Variants in SPTLC1 observed in about 807,000 individuals in gnomAD.
SPTLC1 encodes serine palmitoyltransferase long chain base subunit 1.
A neutral mutation model predicts 68.9 loss-of-function variants in SPTLC1; 55 were observed. The observed-to-expected ratio is 0.80, with a 90% CI of 0.64 to 1.00. The LOEUF (loss-of-function observed/expected upper bound fraction) is 1.00. Among genes scored for constraint, SPTLC1 ranks in the 50% least tolerant of loss-of-function variants. SPTLC1 has a pLI of 0.00. For missense variants in SPTLC1, 449 were observed against 573.1 expected (o/e 0.78, Z 2.21); for synonymous variants, 197 against 201.6 (o/e 0.98, Z 0.19).
At position 92,104,917 on chromosome 9, in the gene SPTLC1, C is replaced by T. The variant is rs4514045; in HGVS notation, c.260+3823G>A. Reference sequence around the variant, plus strand: ...GTTTCTACTCCAAGGGCCATGGAGTCGCCAGTTCACACAGCCCTGTTGGAG... The same window carrying T: ...GTTTCTACTCCAAGGGCCATGGAGTTGCCAGTTCACACAGCCCTGTTGGAG... On this transcript the variant is annotated intron_variant, in intron 3 of 14. Coordinates refer to ENST00000262554, the MANE Select transcript of SPTLC1 (RefSeq NM_006415.4). The T allele has an allele frequency of 2.6e-6, 4 of 1,534,246 alleles. No homozygotes were observed. In the South Asian group the frequency reaches 3.6e-5, roughly 14 times the overall value.
intron 3 of SPTLC1, among the ~76,000 whole-genome samples, chr9:92,095,644 C>G (rs1330385012): frequency 6.6e-6 from 1 of 152,224 alleles, no homozygotes; most frequent in African/African-American, 2.4e-5. Flanking sequence ...AACCCTTGAT[C>G]TCTTCTGAAA....
chr9:92,075,425 C>G (rs141195292), intron 5 of SPTLC1, among the ~76,000 whole-genome samples: 18 of 152,164 alleles, frequency 1.2e-4, no homozygotes, highest in South Asian at 2.1e-4. Context: ...CCTCGCCCCT[C>G]CTTTTACTCT....
rs1349422186 is a variant in SPTLC1 at position 92,032,297 on chromosome 9, A to G, written c.*168T>C. Reference sequence around the variant, plus strand: ...ATGTGTTTTCTTTTTAAAAAAAATAAGCATCCTTCTCATGGTCACACAATT... The same window carrying G: ...ATGTGTTTTCTTTTTAAAAAAAATAGGCATCCTTCTCATGGTCACACAATT... On this transcript the variant is annotated 3_prime_UTR_variant, in exon 15 of 15. Transcript: ENST00000262554. The G allele has an allele frequency of 6.5e-7, 1 of 1,534,344 alleles. No individual in the cohort carries two copies. Among genetic ancestry groups the G allele is most frequent in the East Asian group, 2.4e-5 (1 of 40,922 alleles).
intron 1 of SPTLC1, 179 bp downstream of exon 1, chr9:92,115,133 GTT>G: frequency 5.6e-6 from 1 of 179,274 alleles, no homozygotes; most frequent in East Asian, 1.5e-4. Flanking sequence ...GCCCCCGCCC[GTT>G]CCTCCCTACA....
rs1388901720 is a variant in SPTLC1, at chr9:92,031,771, T to G, written c.*694A>C. 1 of 153,074 alleles carries G rather than the reference T, an allele frequency of 6.5e-6. No individual in the cohort carries two copies. Among genetic ancestry groups the G allele is most frequent in the African/African-American group, 2.4e-5 (1 of 41,446 alleles). The allele number at this position is 153,074 out of a possible 1,614,324, so 9.5% of individuals were successfully genotyped here. A position where few individuals can be genotyped will look rare whatever the true frequency, so the allele number is the denominator to read the frequency against. On this transcript the variant is annotated 3_prime_UTR_variant, in exon 15 of 15. Transcript: ENST00000262554. ...AAAGGTTAATTACATTAAAATAAAA[T>G]AGCTTCTGATTTAAATTATTGCTCA...
chr9:92,032,270 A>G lies in SPTLC1; in HGVS notation c.*195T>C, dbSNP rs1445380733. On this transcript the variant is annotated 3_prime_UTR_variant, in exon 15 of 15. Coordinates refer to ENST00000262554, the MANE Select transcript of SPTLC1 (RefSeq NM_006415.4). ...TAAAAAAATCAGTTCCTGGGCTTTTAGATGTGTTTTCTTTTTAAAAAAAAT... is the reference window on the plus strand; with the variant it reads ...TAAAAAAATCAGTTCCTGGGCTTTTGGATGTGTTTTCTTTTTAAAAAAAAT... The G allele has an allele frequency of 6.5e-7, 1 of 1,530,256 alleles. No homozygotes were observed. The highest frequency in any genetic ancestry group is 8.7e-7 in the Non-Finnish European group (1 of 1,144,224). The allele number at this position is 1,530,256 out of a possible 1,614,324, so 94.8% of individuals were successfully genotyped here.
rs1835768980 is a variant in SPTLC1 at position 92,101,909 on chromosome 9, G to T, written c.260+6831C>A. ...ATAGCTGAAAATCTCCCAATTCTTG[G>T]GAGAGATACGGACATCCAGTTCCGT... On this transcript the variant is annotated intron_variant, in intron 3 of 14. Transcript: ENST00000262554. Among the ~76,000 whole-genome samples the T allele has an allele frequency of 2.0e-5, 3 of 152,010 alleles. No individual in the cohort carries two copies. In the South Asian group the frequency reaches 6.2e-4, roughly 32 times the overall value.
chr9:92,087,497 C>G (rs999543386), intron 3 of SPTLC1, among the ~76,000 whole-genome samples: 1 of 152,226 alleles, frequency 6.6e-6, no homozygotes, highest in African/African-American at 2.4e-5. Context: ...TTGGAGTTTG[C>G]TAGAGGTCCA....
At chr9:92,065,569 C>T (rs1038406483) in intron 6 of SPTLC1, among the ~76,000 whole-genome samples, 6 of 151,780 alleles carry the variant, frequency 4.0e-5, no homozygotes, top group Non-Finnish European at 7.4e-5. Context: ...CATAGGAGTT[C>T]ACCAGTAACC....
Position 92,049,943 on chromosome 9 carries a change from A to T in SPTLC1, c.888+17T>A, listed in dbSNP as rs917901127. ...CTCCTATAAGAGGGGAAACGTTCTT[A>T]AAAAAGGGGAACTTACATTGATTCC... On this transcript the variant is annotated intron_variant, in intron 9 of 14. Coordinates refer to ENST00000262554, the MANE Select transcript of SPTLC1 (RefSeq NM_006415.4). 11 of 1,528,028 alleles carry T rather than the reference A, an allele frequency of 7.2e-6. No individual in the cohort carries two copies. Among genetic ancestry groups the T allele is most frequent in the Non-Finnish European group, 9.1e-6 (10 of 1,101,426 alleles). The allele number at this position is 1,528,028 out of a possible 1,614,324, so 94.7% of individuals were successfully genotyped here.
intron 8 of SPTLC1, among the ~76,000 whole-genome samples, chr9:92,051,614 C>G (rs910168028): frequency 1.3e-5 from 2 of 152,164 alleles, no homozygotes; most frequent in Non-Finnish European, 2.9e-5. Context: ...TAGTCGAGGT[C>G]CTAGCCAGGG....
chr9:92,088,830 A>C lies in SPTLC1; in HGVS notation c.261-7867T>G, dbSNP rs148279859. ...CTGTGCCCCATGCAGGCTAGCAGGA[A>C]TAGGTCATAATGGGCACTTGATACA... On this transcript the variant is annotated intron_variant, in intron 3 of 14. Transcript: ENST00000262554. Among the ~76,000 whole-genome samples, 1,116 of 152,300 alleles carry C rather than the reference A, an allele frequency of 7.3e-3. 9 individuals are homozygous for C. Among genetic ancestry groups the C allele is most frequent in the African/African-American group, 0.025 (1,043 of 41,564 alleles).
At chr9:92,078,873 T>C (rs940079745) in intron 5 of SPTLC1, among the ~76,000 whole-genome samples, 1 of 152,090 alleles carries the variant, frequency 6.6e-6, no homozygotes, top group African/African-American at 2.4e-5. Flanking sequence ...CCAAACTAGC[T>C]TAGGGATAAC....
chr9:92,108,140 G>T (rs112729206), intron 3 of SPTLC1: 5,483 of 154,684 alleles, frequency 0.035, 164 homozygotes, highest in South Asian at 0.11. Flanking sequence ...TAGGTATATA[G>T]GTGTCTGATA....
chr9:92,115,120 C>T lies in SPTLC1; in HGVS notation c.57+194G>A, dbSNP rs574734161. ...CAAACCGAGACCCTCAGTCCCAGCC[C>T]CCGCCCCCGCCCGTTCCTCCCTACA... On this transcript the variant is annotated intron_variant, in intron 1 of 14. Coordinates refer to ENST00000262554, the MANE Select transcript of SPTLC1 (RefSeq NM_006415.4). 14 of 578,342 alleles carry T rather than the reference C, an allele frequency of 2.4e-5. No individual in the cohort carries two copies. In the South Asian group the frequency reaches 2.6e-4, roughly 11 times the overall value. 35.8% of individuals were successfully genotyped at this position (578,342 alleles called of 1,614,324 possible). A position where few individuals can be genotyped will look rare whatever the true frequency, so the allele number is the denominator to read the frequency against.
chr9:92,040,889 G>A (rs1833327537), intron 12 of SPTLC1, among the ~76,000 whole-genome samples: 1 of 152,146 alleles, frequency 6.6e-6, no homozygotes, highest in African/African-American at 2.4e-5. Context: ...CCTGTCTCTG[G>A]TTGCCTAGAT....
intron 2 of SPTLC1, chr9:92,111,310 A>G (rs993047797): frequency 7.2e-5 from 11 of 152,292 alleles, no homozygotes; most frequent in African/African-American, 2.6e-4. Flanking sequence ...CTTATTTTAC[A>G]CACTAGTAGG....
intron 8 of SPTLC1, chr9:92,051,328 AATATGT>A (rs1369146260): frequency 9.0e-6 from 8 of 889,986 alleles, no homozygotes; most frequent in Non-Finnish European, 1.1e-5. Context: ...GGAAAAATCA[AATATGT>A]ATTACATACA....
chr9:92,033,032 G>A (rs796700522), intron 14 of SPTLC1, among the ~76,000 whole-genome samples: 3 of 152,318 alleles, frequency 2.0e-5, no homozygotes, highest in South Asian at 2.1e-4. Flanking sequence ...CAATAGGCCT[G>A]TCTATTCATG....
Sources: gnomAD v4.1 joint callset for allele counts (sites outside exome capture counted in the v4.1 genomes callset) on GRCh38, gnomAD v4.1.1 for gene constraint, MANE v1.5 for transcripts, NCBI Gene and HGNC (gene_info 2026-07-23, HGNC 2026-07-21) for gene names.